Variants in AP1G2 observed in about 807,000 individuals in gnomAD.
AP1G2 encodes the protein AP-1 complex subunit gamma-like 2.
In AP1G2, 85 loss-of-function variants were observed where a neutral mutation model predicts 95.8. The observed-to-expected ratio is 0.89, with a 90% CI of 0.74 to 1.06. The LOEUF is 1.06. AP1G2 is among the 50% of genes least tolerant of loss of function. The pLI is 0.00. For missense variants in AP1G2, 967 were observed against 1,005.8 expected, an observed-to-expected ratio of 0.96 and a Z score of 0.52; for synonymous variants, 378 against 400.0, an observed-to-expected ratio of 0.94 and a Z score of 0.66.
chr14:23,566,861 T>G (rs1279492326), intron 2 of AP1G2, 175 bp from the exon 3 acceptor site: 1 of 1,027,236 alleles, frequency 9.7e-7, no homozygotes. Context: ...TAGGAGGAAC[T>G]AGGAGTTGAG....
chr14:23,559,714 G>A lies in AP1G2; in HGVS notation c.*35C>T. On this transcript the variant is annotated 3_prime_UTR_variant, in exon 22 of 22. Transcript: ENST00000397120. ...GCTGCTGGGGCCCCCTGGGGTTTGGGACACAGGAGAATTTCAGGCTGTGAG... is the reference window on the plus strand; with the variant it reads ...GCTGCTGGGGCCCCCTGGGGTTTGGAACACAGGAGAATTTCAGGCTGTGAG... 6.2e-7 allele frequency: 1 copy of A among 1,605,530 alleles called. No individual in the cohort carries two copies. The highest frequency in any genetic ancestry group is 8.5e-7 in the Non-Finnish European group (1 of 1,173,540).
At chr14:23,566,528 C>A in intron 3 of AP1G2, 34 bp downstream of exon 3, 1 of 1,612,608 alleles carries the variant, frequency 6.2e-7, no homozygotes, top group South Asian at 1.1e-5. Flanking sequence ...TCTCCCATCT[C>A]CCTGATTCCA....
intron 14 of AP1G2, 163 bp from the exon 15 acceptor site, chr14:23,562,756 A>AAAG: frequency 6.0e-6 from 4 of 671,478 alleles, no homozygotes; most frequent in Non-Finnish European, 9.8e-6. Context: ...TAAAAAAAAA[A>AAAG]AGAGAGAGAG....
At chr14:23,562,711 T>C in intron 14 of AP1G2, 118 bp from the exon 15 acceptor site, 1 of 963,900 alleles carries the variant, frequency 1.0e-6, no homozygotes. Context: ...AAGACCAGCC[T>C]GGGCAACAAA....
Position 23,567,537 on chromosome 14 carries a change from C to T in AP1G2, c.-6+202G>A. 7.4e-7 allele frequency: 1 copy of T among 1,346,604 alleles called. No individual in the cohort carries two copies. Among genetic ancestry groups the T allele is most frequent in the Non-Finnish European group, 9.5e-7 (1 of 1,056,708 alleles). The allele number at this position is 1,346,604 out of a possible 1,614,324, so 83.4% of individuals were successfully genotyped here. On this transcript the variant is annotated intron_variant, in intron 1 of 21. Transcript: ENST00000397120. The surrounding 1 kb of genome is among the most constrained non-coding windows in gnomAD (Gnocchi z 5.3). ...ATGCGTCCGCACCCCACCGGCGCCC[C>T]TTCCTATTGAGCATGCGCGGGAGCC...
rs372112838 is a variant in AP1G2, at chr14:23,563,634, C to A, written c.1237G>T (p.Ala413Ser). Residue 413 changes from alanine (A) to serine (S), a missense_variant, in exon 13 of 22, where the codon GCT (alanine) becomes TCT (serine). Ala to Ser is a moderately conservative substitution (Grantham distance 99, BLOSUM62 1). Transcript: ENST00000397120. ...SGILLAAERFAPTKRWHIDTI... is the reference protein window; with the variant it reads ...SGILLAAERFSPTKRWHIDTI... ...TCTATGTGCCAGCGTTTGGTTGGAG[C>A]AAACCTAGGGGATATATGGCTCATC... The A allele has an allele frequency of 1.2e-5, 19 of 1,614,076 alleles. No individual in the cohort carries two copies. The highest frequency in any genetic ancestry group is 1.5e-5 in the Non-Finnish European group (18 of 1,180,038).
chr14:23,560,375 C>CT lies in AP1G2; in HGVS notation c.2036dup (p.Leu680AlafsTer10). The CT allele has an allele frequency of 6.2e-7, 1 of 1,614,104 alleles. No individual in the cohort carries two copies. The highest frequency in any genetic ancestry group is 8.5e-7 in the Non-Finnish European group (1 of 1,180,008). ...GGGGTCGAATGAAAGACAGATTCAG[C>CT]TGTACTCCCTCACGCTCAAACACTT... On this transcript the variant is annotated frameshift_variant, in exon 20 of 22. Coordinates refer to ENST00000397120, the MANE Select transcript of AP1G2 (RefSeq NM_003917.5). LOFTEE classifies it high-confidence loss of function.
intron 10 of AP1G2, 54 bp from the exon 11 acceptor site, chr14:23,564,213 C>T (rs1363281217): frequency 1.4e-5 from 22 of 1,611,466 alleles, no homozygotes; most frequent in South Asian, 1.1e-4. Flanking sequence ...CCCCACTCCC[C>T]GTCCTGTCCT....
intron 2 of AP1G2, 134 bp downstream of exon 2, chr14:23,566,977 G>A (rs1566666583): frequency 2.9e-6 from 3 of 1,044,680 alleles, no homozygotes; most frequent in Non-Finnish European, 4.1e-6. Flanking sequence ...TGGGGAAAGA[G>A]GTTTGCAGTG....
In AP1G2 at chr14:23,564,362, G is replaced by T; in HGVS notation, c.948C>A (p.Arg316=). 6.2e-7 allele frequency: 1 copy of T among 1,614,210 alleles called. No homozygotes were observed. The highest frequency in any genetic ancestry group is 8.5e-7 in the Non-Finnish European group (1 of 1,180,044). The change falls in exon 10 of 22, where the codon CGC becomes CGA. Residue 316 remains arginine (R), a synonymous_variant. Coordinates refer to ENST00000397120, the MANE Select transcript of AP1G2 (RefSeq NM_003917.5). The part of the protein sequence containing the change: ...LRVLAVNILG[R]FLLNSDRNIR... The stretch of plus-strand genomic sequence containing the variant: ...TGTTCCTGTCACTGTTGAGTAGGAA[G>T]CGACCAAGAATGTTGACAGCTAGAA...
rs1411599424 is a variant in AP1G2, at chr14:23,562,576, C to G, written c.1428G>C (p.Val476=). The stretch of plus-strand genomic sequence containing the variant: ...CATACTCCCCAATGCACCAGGCTGC[C>G]ACCTGCACCAGTGGTTGCTACATGG... The part of the protein sequence containing the change: ...EDISQQPLVQ[V]AAWCIGEYGD... Residue 476 remains valine, a synonymous_variant, in exon 15 of 22, where the codon GTG becomes GTC. Coordinates refer to ENST00000397120, the MANE Select transcript of AP1G2 (RefSeq NM_003917.5). The G allele has an allele frequency of 6.2e-7, 1 of 1,614,080 alleles. No homozygotes were observed. Among genetic ancestry groups the G allele is most frequent in the South Asian group, 1.1e-5 (1 of 91,062 alleles).
intron 8 of AP1G2, chr14:23,564,902 C>G: frequency 1.6e-6 from 1 of 634,944 alleles, no homozygotes; most frequent in Non-Finnish European, 2.7e-6. Context: ...AACCATCCAA[C>G]AAAGTTCCCT....
At chr14:23,565,996 T>G (rs761514110) in intron 5 of AP1G2, 68 bp downstream of exon 5, 1 of 1,613,290 alleles carries the variant, frequency 6.2e-7, no homozygotes, top group South Asian at 1.1e-5. Context: ...GAGCTGGGGT[T>G]CCCATCCGAT....
Position 23,563,715 on chromosome 14 carries a change from C to A in AP1G2, c.1232+1G>T. 1 of 1,614,172 alleles carries A rather than the reference C, an allele frequency of 6.2e-7. No individual in the cohort carries two copies. The highest frequency in any genetic ancestry group is 8.5e-7 in the Non-Finnish European group (1 of 1,179,994). On this transcript the variant is annotated splice_donor_variant, in intron 12 of 21. Coordinates refer to ENST00000397120, the MANE Select transcript of AP1G2 (RefSeq NM_003917.5). LOFTEE classifies it high-confidence loss of function. ...CCCTCTTCGACTCCTGGGCACCTCA[C>A]CTCTCTGCAGCCAGCAGGATGCCTG...
Position 23,566,145 on chromosome 14 carries a change from C to T in AP1G2, c.487G>A (p.Val163Met), listed in dbSNP as rs778163567. ...YVRKKAILTA[V>M]HMIRKVPELS... Reference sequence around the variant, plus strand: ...TCAGGGACCTTCCGGATCATGTGCACTGCAGTCAGAATAGCCTGCAGAGGT... The same window carrying T: ...TCAGGGACCTTCCGGATCATGTGCATTGCAGTCAGAATAGCCTGCAGAGGT... Residue 163 changes from valine (V) to methionine (M), a missense_variant, in exon 5 of 22, where the codon GTG becomes ATG. Coordinates refer to ENST00000397120, the MANE Select transcript of AP1G2 (RefSeq NM_003917.5). 1.2e-6 allele frequency: 2 copies of T among 1,604,950 alleles called. No homozygotes were observed. Among genetic ancestry groups the T allele is most frequent in the South Asian group, 2.2e-5 (2 of 89,840 alleles).
chr14:23,562,154 C>G, intron 16 of AP1G2, 88 bp from the exon 17 acceptor site: 1 of 1,591,694 alleles, frequency 6.3e-7, no homozygotes. Flanking sequence ...AGGGAAATAC[C>G]CAGATTTGGC....
Position 23,567,687 on chromosome 14 carries a change from AGGCAGC to A in AP1G2, c.-6+46_-6+51del, listed in dbSNP as rs1201796147. 18 of 909,684 alleles carry A rather than the reference AGGCAGC, an allele frequency of 2.0e-5. No individual in the cohort carries two copies. Among genetic ancestry groups the A allele is most frequent in the Middle Eastern group, 5.3e-4 (1 of 1,902 alleles). 56.4% of individuals were successfully genotyped at this position (909,684 alleles called of 1,614,324 possible). A position where few individuals can be genotyped will look rare whatever the true frequency, so the allele number is the denominator to read the frequency against. ...AGCTTCCTCCCCCGATTTCCATCTC[AGGCAGC>A]GGCAGCGGCAGCGACAGCCTGCCTA... On this transcript the variant is annotated intron_variant, in intron 1 of 21. Transcript: ENST00000397120. The surrounding 1 kb of genome is among the most constrained non-coding windows in gnomAD (Gnocchi z 5.3).
chr14:23,560,243 A>T lies in AP1G2; in HGVS notation c.2157+12T>A. 6.2e-7 allele frequency: 1 copy of T among 1,612,832 alleles called. No homozygotes were observed. Among genetic ancestry groups the T allele is most frequent in the Admixed American group, 1.7e-5 (1 of 59,994 alleles). On this transcript the variant is annotated intron_variant, in intron 20 of 21. Coordinates refer to ENST00000397120, the MANE Select transcript of AP1G2 (RefSeq NM_003917.5). The stretch of plus-strand genomic sequence containing the variant: ...GTCCCCAGGCCACCTCTGAACTCTG[A>T]TCTTTACAAACCTTGGGCACAGCAG...
Position 23,562,043 on chromosome 14 carries a change from A to G in AP1G2, c.1652T>C (p.Ile551Thr). The G allele has an allele frequency of 6.2e-7, 1 of 1,613,834 alleles. No individual in the cohort carries two copies. Among genetic ancestry groups the G allele is most frequent in the Non-Finnish European group, 8.5e-7 (1 of 1,179,928 alleles). The change falls in exon 17 of 22, where the codon ATC (isoleucine) becomes ACC (threonine). Residue 551 changes from isoleucine to threonine, a missense_variant. Coordinates refer to ENST00000397120, the MANE Select transcript of AP1G2 (RefSeq NM_003917.5). The part of the protein sequence containing the change: ...DNNRIRQVVS[I>T]YGSCLDVELQ... ...CTCCACGTCCAAGCAGCTCCCGTAG[A>G]TGGACACCACCTGGCGGATGCGGCT...
Sources: gnomAD v4.1 joint callset for allele counts on GRCh38, gnomAD v4.1.1 for gene constraint, Gnocchi (gnomAD v3.1) non-coding constraint, MANE v1.5 for transcripts, NCBI Gene and HGNC (gene_info 2026-07-23, HGNC 2026-07-21) for gene names.